The following CTIF variants were observed in gnomAD, a reference collection of about 807,000 sequenced individuals.
CTIF encodes CBP80/20-dependent translation initiation factor.
A neutral mutation model predicts 66.0 loss-of-function variants in CTIF; 21 were observed. That is an observed-to-expected ratio of 0.32 (90% CI 0.23 to 0.46). The LOEUF is 0.46. Ranked by LOEUF, CTIF falls within the 20% of genes least tolerant of loss-of-function variation. The pLI is 1.00. For synonymous variants in CTIF, 345 were observed against 326.4 expected (o/e 1.06, Z -0.62); for missense variants, 739 against 812.7 (o/e 0.91, Z 1.10).
intron 9 of CTIF, among the ~76,000 whole-genome samples, chr18:48,813,160 G>A (rs541609611): frequency 6.6e-6 from 1 of 152,084 alleles, no homozygotes; most frequent in East Asian, 1.9e-4. Flanking sequence ...TTTGCTGTTG[G>A]ATTTCTAGTT....
At chr18:48,557,851 G>T (rs146189853) in intron 1 of CTIF, among the ~76,000 whole-genome samples, 165 of 152,354 alleles carry the variant, frequency 1.1e-3, no homozygotes, top group African/African-American at 3.9e-3. Context: ...AGAGACAGCT[G>T]TCTGGTGTCT....
At chr18:48,831,193 G>T (rs750092811) in intron 10 of CTIF, among the ~76,000 whole-genome samples, 12 of 152,236 alleles carry the variant, frequency 7.9e-5, no homozygotes, top group Non-Finnish European at 1.6e-4. Context: ...AGCCCAAAAG[G>T]GGCATTTGTG....
intron 9 of CTIF, among the ~76,000 whole-genome samples, chr18:48,801,967 C>T (rs189956628): frequency 1.3e-4 from 20 of 152,344 alleles, no homozygotes; most frequent in Admixed American, 1.2e-3. Context: ...TTCAGTTTCT[C>T]ACATAGCAGA....
intron 9 of CTIF, among the ~76,000 whole-genome samples, chr18:48,783,693 A>G (rs552990306): frequency 7.9e-5 from 12 of 151,958 alleles, no homozygotes; most frequent in South Asian, 4.2e-4. Flanking sequence ...CACCTCCTCT[A>G]TCCTCTCGGC....
chr18:48,661,610 G>C (rs1392210347), intron 3 of CTIF, among the ~76,000 whole-genome samples: 1 of 152,150 alleles, frequency 6.6e-6, no homozygotes, highest in Admixed American at 6.5e-5. Flanking sequence ...AGTTGGAATG[G>C]GGAGGATGTG....
chr18:48,652,867 A>G (rs888461273), intron 3 of CTIF, among the ~76,000 whole-genome samples: 3 of 152,192 alleles, frequency 2.0e-5, no homozygotes, highest in East Asian at 1.9e-4. Flanking sequence ...AACAAAACCA[A>G]CGACAAAAAC....
intron 2 of CTIF, among the ~76,000 whole-genome samples, chr18:48,630,968 C>T (rs1408758745): frequency 6.6e-6 from 1 of 152,158 alleles, no homozygotes; most frequent in African/African-American, 2.4e-5. Context: ...TGAGCCACCG[C>T]ACCCAGCCCG....
intron 1 of CTIF, among the ~76,000 whole-genome samples, chr18:48,606,269 T>C (rs1363156273): frequency 1.3e-5 from 2 of 152,204 alleles, no homozygotes; most frequent in African/African-American, 4.8e-5. Flanking sequence ...CAGTGACTCA[T>C]TGGTTCATGC....
At chr18:48,707,846 G>A (rs558356939) in intron 6 of CTIF, among the ~76,000 whole-genome samples, 7 of 152,236 alleles carry the variant, frequency 4.6e-5, no homozygotes, top group Non-Finnish European at 8.8e-5. Context: ...CAGAAGGAAC[G>A]CAGCATCCCT....
chr18:48,591,770 C>T (rs1411039051), intron 1 of CTIF, among the ~76,000 whole-genome samples: 2 of 152,162 alleles, frequency 1.3e-5, no homozygotes, highest in East Asian at 3.9e-4. Flanking sequence ...TTCTTAGAGA[C>T]AGGGTCTCGC....
At chr18:48,666,194 C>A (rs2091432668) in intron 5 of CTIF, among the ~76,000 whole-genome samples, 1 of 152,134 alleles carries the variant, frequency 6.6e-6, no homozygotes, top group Non-Finnish European at 1.5e-5. Context: ...TCCAGCCCTC[C>A]CCTGCTCACT....
At chr18:48,703,399 T>C (rs2092109760) in intron 6 of CTIF, among the ~76,000 whole-genome samples, 1 of 152,126 alleles carries the variant, frequency 6.6e-6, no homozygotes, top group Non-Finnish European at 1.5e-5. Context: ...TGGCCTGGGC[T>C]AGGATCCCCA....
At chr18:48,665,593 C>A (rs1229300148) in intron 5 of CTIF, among the ~76,000 whole-genome samples, 1 of 152,190 alleles carries the variant, frequency 6.6e-6, no homozygotes, top group Non-Finnish European at 1.5e-5. Context: ...ACATTCTCAT[C>A]ATCCCAATAT....
intron 7 of CTIF, among the ~76,000 whole-genome samples, chr18:48,746,030 A>T (rs2092593406): frequency 6.6e-6 from 1 of 152,220 alleles, no homozygotes; most frequent in Non-Finnish European, 1.5e-5. Context: ...TGGAGGAGGC[A>T]GTCCCAGAAG....
At chr18:48,737,940 C>A (rs1267085442) in intron 7 of CTIF, among the ~76,000 whole-genome samples, 1 of 152,240 alleles carries the variant, frequency 6.6e-6, no homozygotes, top group Non-Finnish European at 1.5e-5. Context: ...GCATCCAGAC[C>A]GGCTCCTTGG....
At chr18:48,769,915 C>T (rs747298836) in intron 9 of CTIF, among the ~76,000 whole-genome samples, 1 of 152,198 alleles carries the variant, frequency 6.6e-6, no homozygotes, top group Non-Finnish European at 1.5e-5. Context: ...TTAAGCATTG[C>T]ATTCAAGGAC....
At chr18:48,822,130 A>G (rs2068496454) in intron 10 of CTIF, among the ~76,000 whole-genome samples, 1 of 152,176 alleles carries the variant, frequency 6.6e-6, no homozygotes. Flanking sequence ...GAGTTCATCC[A>G]TGTTGTTGTA....
intron 1 of CTIF, among the ~76,000 whole-genome samples, chr18:48,546,296 G>A (rs1222720185): frequency 6.6e-6 from 1 of 152,170 alleles, no homozygotes; most frequent in African/African-American, 2.4e-5. Flanking sequence ...CGACAATAGT[G>A]CCTGGCACAT....
At chr18:48,799,721 T>G (rs1219974156) in intron 9 of CTIF, among the ~76,000 whole-genome samples, 3 of 152,186 alleles carry the variant, frequency 2.0e-5, no homozygotes, top group African/African-American at 7.2e-5. Context: ...GCACCCAGAT[T>G]ATTTCCTCCC....
Sources: allele counts gnomAD v4.1 joint callset (sites outside exome capture counted in the v4.1 genomes callset), GRCh38; gene constraint gnomAD v4.1.1; transcripts MANE v1.5; gene names NCBI Gene and HGNC (gene_info 2026-07-23, HGNC 2026-07-21).